Variants in B3GLCT observed in about 807,000 individuals in gnomAD.
B3GLCT encodes the protein beta 3-glucosyltransferase.
In B3GLCT, 65 loss-of-function variants were observed where a neutral mutation model predicts 63.4. That is an observed-to-expected ratio of 1.03 (90% CI 0.84 to 1.26). The LOEUF is 1.26. B3GLCT is among the 50% of genes most tolerant of loss of function. The pLI, the probability that B3GLCT is intolerant of heterozygous loss-of-function variation, is 0.00. For missense variants in B3GLCT, 577 were observed against 604.8 expected, an observed-to-expected ratio of 0.95 and a Z score of 0.48; for synonymous variants, 233 against 219.2, an observed-to-expected ratio of 1.06 and a Z score of -0.55.
intron 12 of B3GLCT, chr13:31,312,592 TAAAAG>T (rs1365925647): frequency 1.3e-5 from 2 of 152,132 alleles, no homozygotes; most frequent in African/African-American, 4.8e-5. Flanking sequence ...GTAGAAAAGT[TAAAAG>T]AAAATCTATC....
intron 7 of B3GLCT, among the ~76,000 whole-genome samples, chr13:31,267,372 C>T (rs549610079): frequency 1.3e-5 from 2 of 152,316 alleles, no homozygotes; most frequent in South Asian, 4.1e-4. Context: ...TCTTTGTGGT[C>T]TGATTAGATT....
chr13:31,304,488 C>G (rs923413933), intron 12 of B3GLCT, among the ~76,000 whole-genome samples: 2 of 77,558 alleles, frequency 2.6e-5, no homozygotes, highest in African/African-American at 1.0e-4. Context: ...GGAAGATCTA[C>G]CAAGCCAATG....
intron 6 of B3GLCT, among the ~76,000 whole-genome samples, chr13:31,254,217 A>G (rs1013375160): frequency 1.3e-5 from 2 of 152,172 alleles, no homozygotes; most frequent in Non-Finnish European, 2.9e-5. Context: ...TGGCAGAGAC[A>G]CAACAATAAA....
In B3GLCT at chr13:31,293,547, A is replaced by G. The variant is rs138254806; in HGVS notation, c.1064+6728A>G. 2.5e-4 allele frequency among the ~76,000 whole-genome samples: 38 copies of G among 152,258 alleles called. No homozygotes were observed. In the East Asian group the frequency reaches 6.4e-3, roughly 26 times the overall value. On this transcript the variant is annotated intron_variant, in intron 12 of 14. Coordinates refer to ENST00000343307, the MANE Select transcript of B3GLCT (RefSeq NM_194318.4). ...TTCTTTTTGCATTGATCCCTTTACC[A>G]TTATGTAATGCCCTTCTTTGTCTTT... is the stretch of plus-strand genomic sequence containing the variant.
intron 6 of B3GLCT, among the ~76,000 whole-genome samples, chr13:31,258,862 A>G (rs1182161999): frequency 2.0e-5 from 3 of 152,206 alleles, no homozygotes; most frequent in Non-Finnish European, 2.9e-5. Context: ...CTAAGCCTGT[A>G]TTCTTCAAGT....
intron 6 of B3GLCT, 88 bp downstream of exon 6, chr13:31,248,054 T>C (rs1169273274): frequency 1.3e-6 from 1 of 741,488 alleles, no homozygotes; most frequent in East Asian, 2.6e-5. Flanking sequence ...TTGAATCTAA[T>C]AAAAAACCAC....
chr13:31,316,406 T>TA lies in B3GLCT; in HGVS notation c.1065-1160_1065-1159insA, dbSNP rs1260909516. 2.4e-4 allele frequency among the ~76,000 whole-genome samples: 18 copies of TA among 75,866 alleles called. No individual in the cohort carries two copies. In the South Asian group the frequency reaches 2.7e-3, roughly 11 times the overall value. 49.8% of individuals were successfully genotyped at this position (75,866 alleles called of 152,430 possible). A position where few individuals can be genotyped will look rare whatever the true frequency, so the allele number is the denominator to read the frequency against. The stretch of plus-strand genomic sequence containing the variant: ...ATGGAATCAAGGAGATTTTGGAGGT[T>TA]TTATATATATATATATATATATATA... On this transcript the variant is annotated intron_variant, in intron 12 of 14. Transcript: ENST00000343307.
intron 12 of B3GLCT, among the ~76,000 whole-genome samples, chr13:31,314,193 G>T (rs1035778435): frequency 6.6e-6 from 1 of 152,166 alleles, no homozygotes; most frequent in African/African-American, 2.4e-5. Flanking sequence ...TGAGGTCAGA[G>T]CCCCCACACA....
At chr13:31,288,092 T>C (rs1226353635) in intron 12 of B3GLCT, among the ~76,000 whole-genome samples, 1 of 152,196 alleles carries the variant, frequency 6.6e-6, no homozygotes, top group Non-Finnish European at 1.5e-5. Context: ...TTTTCAAATT[T>C]AATGAAAACT....
intron 1 of B3GLCT, among the ~76,000 whole-genome samples, chr13:31,203,951 CTCTCAT>C (rs1288187693): frequency 6.6e-6 from 1 of 152,182 alleles, no homozygotes; most frequent in Non-Finnish European, 1.5e-5. Flanking sequence ...TGCCCAAAGC[CTCTCAT>C]TTATTCAGAG....
intron 1 of B3GLCT, among the ~76,000 whole-genome samples, chr13:31,204,520 G>A (rs543765120): frequency 1.3e-5 from 2 of 152,272 alleles, no homozygotes; most frequent in South Asian, 2.1e-4. Flanking sequence ...TGGTGAAGGA[G>A]CCAAGTGGAG....
At chr13:31,214,788 G>A (rs1566043160) in intron 1 of B3GLCT, among the ~76,000 whole-genome samples, 1 of 152,176 alleles carries the variant, frequency 6.6e-6, no homozygotes, top group East Asian at 1.9e-4. Flanking sequence ...GACACAAATG[G>A]CATACACAGA....
At chr13:31,213,775 G>C (rs1241783714) in intron 1 of B3GLCT, among the ~76,000 whole-genome samples, 1 of 152,076 alleles carries the variant, frequency 6.6e-6, no homozygotes, top group African/African-American at 2.4e-5. Flanking sequence ...TGGATAAGGA[G>C]GGTGTGGAAT....
chr13:31,301,554 C>T (rs1302576377), intron 12 of B3GLCT, among the ~76,000 whole-genome samples: 2 of 152,184 alleles, frequency 1.3e-5, no homozygotes, highest in Non-Finnish European at 2.9e-5. Context: ...AACCGTTACA[C>T]TTTTATGTTC....
At chr13:31,257,791 A>G (rs902956124) in intron 6 of B3GLCT, among the ~76,000 whole-genome samples, 1 of 152,150 alleles carries the variant, frequency 6.6e-6, no homozygotes, top group African/African-American at 2.4e-5. Context: ...TGTATGCTCT[A>G]GTTTCTTCAG....
intron 11 of B3GLCT, among the ~76,000 whole-genome samples, chr13:31,286,485 G>A (rs1030706252): frequency 2.0e-5 from 3 of 151,976 alleles, no homozygotes; most frequent in Non-Finnish European, 4.4e-5. Flanking sequence ...CATCTCTCTA[G>A]GTCTCCATTT....
chr13:31,220,162 G>A (rs1681029152), intron 2 of B3GLCT, among the ~76,000 whole-genome samples: 1 of 152,162 alleles, frequency 6.6e-6, no homozygotes, highest in Non-Finnish European at 1.5e-5. Flanking sequence ...TGACTGGGTG[G>A]AAGATTCCAT....
At chr13:31,279,447 G>T (rs767227586) in intron 10 of B3GLCT, among the ~76,000 whole-genome samples, 5 of 152,040 alleles carry the variant, frequency 3.3e-5, no homozygotes, top group South Asian at 2.1e-4. Flanking sequence ...CTGGGTGTCC[G>T]GGGGAGACAT....
intron 8 of B3GLCT, among the ~76,000 whole-genome samples, chr13:31,273,842 A>T (rs374931291): frequency 6.6e-6 from 1 of 152,064 alleles, no homozygotes; most frequent in South Asian, 2.1e-4. Context: ...CTAAGAGGAG[A>T]TTTAGAGATT....
Sources: gnomAD v4.1 joint callset for allele counts (sites outside exome capture counted in the v4.1 genomes callset) on GRCh38, gnomAD v4.1.1 for gene constraint, MANE v1.5 for transcripts, NCBI Gene and HGNC (gene_info 2026-07-23, HGNC 2026-07-21) for gene names.